EFNA5: variants seen among roughly 807,000 people sequenced by gnomAD.
EFNA5 encodes the protein ephrin A5.
EFNA5 carries 5 observed loss-of-function variants against 22.9 expected under a neutral mutation model. That is an observed-to-expected ratio of 0.22 (90% confidence interval 0.11 to 0.46). The LOEUF (loss-of-function observed/expected upper bound fraction) is 0.46. Among genes scored for constraint, EFNA5 ranks in the 20% least tolerant of loss-of-function variants. EFNA5 has a pLI of 0.99. For synonymous variants in EFNA5, 113 were observed against 112.2 expected (o/e 1.01, Z -0.04); for missense variants, 237 against 293.3 (o/e 0.81, Z 1.40).
intron 1 of EFNA5, among the ~76,000 whole-genome samples, chr5:107,549,879 C>T (rs1273171980): frequency 6.6e-6 from 1 of 152,214 alleles, no homozygotes; most frequent in Non-Finnish European, 1.5e-5. Context: ...CATGGGGTTG[C>T]CTGACCCATG....
intron 1 of EFNA5, among the ~76,000 whole-genome samples, chr5:107,560,210 A>AT (rs1161533721): frequency 1.3e-5 from 2 of 152,364 alleles, no homozygotes; most frequent in Admixed American, 6.5e-5. Context: ...ATTTTACATA[A>AT]TGCTTATCAG....
At chr5:107,387,966 C>T (rs1747679833) in intron 2 of EFNA5, among the ~76,000 whole-genome samples, 195 bp from the exon 3 acceptor site, 2 of 152,156 alleles carry the variant, frequency 1.3e-5, no homozygotes, top group Non-Finnish European at 1.5e-5. Flanking sequence ...ACTTTCATAT[C>T]CTGAGTTTCT....
intron 1 of EFNA5, among the ~76,000 whole-genome samples, chr5:107,570,379 A>C (rs1748775669): frequency 6.6e-6 from 1 of 152,192 alleles, no homozygotes; most frequent in African/African-American, 2.4e-5. Context: ...TGCCTTTATC[A>C]AGGGAACATG....
At chr5:107,562,913 T>C (rs1008304722) in intron 1 of EFNA5, among the ~76,000 whole-genome samples, 48 of 152,324 alleles carry the variant, frequency 3.2e-4, no homozygotes, top group African/African-American at 1.1e-3. Context: ...ATATTTATAT[T>C]GGAACAGCCA....
chr5:107,617,233 C>CAGAGAGAGAG (rs1281823984), intron 1 of EFNA5, among the ~76,000 whole-genome samples: 16 of 149,180 alleles, frequency 1.1e-4, no homozygotes, highest in African/African-American at 3.7e-4. Flanking sequence ...CACACACACA[C>CAGAGAGAGAG]ACACAGAGAG....
chr5:107,641,215 G>A (rs1438917903), intron 1 of EFNA5, among the ~76,000 whole-genome samples: 1 of 151,890 alleles, frequency 6.6e-6, no homozygotes, highest in East Asian at 1.9e-4. Context: ...AAAATTAGCT[G>A]GGCATGGTGG....
At chr5:107,416,700 A>G (rs1341778405) in intron 2 of EFNA5, among the ~76,000 whole-genome samples, 4 of 152,236 alleles carry the variant, frequency 2.6e-5, no homozygotes, top group Non-Finnish European at 5.9e-5. Flanking sequence ...TGCAGTATTC[A>G]TCATACTGCT....
At chr5:107,483,468 T>A (rs1472782329) in intron 1 of EFNA5, among the ~76,000 whole-genome samples, 2 of 152,216 alleles carry the variant, frequency 1.3e-5, no homozygotes, top group African/African-American at 4.8e-5. Flanking sequence ...GACAAGGCAC[T>A]CTTGCCTGAA....
chr5:107,573,894 T>G (rs992912891), intron 1 of EFNA5, among the ~76,000 whole-genome samples: 1 of 152,198 alleles, frequency 6.6e-6, no homozygotes, highest in African/African-American at 2.4e-5. Context: ...TGGCCCTGTG[T>G]CCACAAGAGG....
chr5:107,420,445 C>T (rs1460648129), intron 2 of EFNA5, among the ~76,000 whole-genome samples: 1 of 150,786 alleles, frequency 6.6e-6, no homozygotes, highest in Non-Finnish European at 1.5e-5. Context: ...AAGCACATTG[C>T]CCAAGTTCCC....
chr5:107,485,547 G>T (rs558651438), intron 1 of EFNA5, among the ~76,000 whole-genome samples: 1 of 152,278 alleles, frequency 6.6e-6, no homozygotes, highest in East Asian at 1.9e-4. Context: ...AGAGTGAATT[G>T]ATCTGTTAGC....
chr5:107,427,311 T>C lies in EFNA5; in HGVS notation c.324A>G (p.Pro108=). The change falls in exon 2 of 5, where the codon CCA becomes CCG. Residue 108 remains proline (P), a synonymous_variant. Coordinates refer to ENST00000333274, the MANE Select transcript of EFNA5 (RefSeq NM_001962.3). ...TTTCAGAGAACTTCAGCGGTCCATTTGGAGAGTGAGGCCGGTTACATTCCC... is the reference window on the plus strand; with the variant it reads ...TTTCAGAGAACTTCAGCGGTCCATTCGGAGAGTGAGGCCGGTTACATTCCC... The part of the protein sequence containing the change: ...KRWECNRPHS[P]NGPLKFSEKF... The C allele has an allele frequency of 6.2e-7, 1 of 1,614,126 alleles. No homozygotes were observed. Among genetic ancestry groups the C allele is most frequent in the Non-Finnish European group, 8.5e-7 (1 of 1,180,012 alleles).
At chr5:107,555,765 G>A (rs1748397479) in intron 1 of EFNA5, among the ~76,000 whole-genome samples, 1 of 152,156 alleles carries the variant, frequency 6.6e-6, no homozygotes, top group South Asian at 2.1e-4. Flanking sequence ...TCTTTATTAA[G>A]TAGCAACTTG....
chr5:107,389,960 AG>A (rs1747738321), intron 2 of EFNA5, among the ~76,000 whole-genome samples: 2 of 152,218 alleles, frequency 1.3e-5, no homozygotes, highest in African/African-American at 4.8e-5. Context: ...TCTAATCCTT[AG>A]AAAAATTTGT....
intron 1 of EFNA5, among the ~76,000 whole-genome samples, chr5:107,475,044 T>A (rs1023269962): frequency 1.3e-5 from 2 of 152,226 alleles, no homozygotes; most frequent in African/African-American, 4.8e-5. Context: ...ACTTCTGAGC[T>A]AAGATGTTTA....
At chr5:107,648,701 T>G (rs1056864307) in intron 1 of EFNA5, among the ~76,000 whole-genome samples, 1 of 152,174 alleles carries the variant, frequency 6.6e-6, no homozygotes, top group Non-Finnish European at 1.5e-5. Flanking sequence ...TAGTTGAATA[T>G]ATGTCACACA....
intron 1 of EFNA5, among the ~76,000 whole-genome samples, chr5:107,490,464 A>G (rs1387847588): frequency 6.6e-6 from 1 of 152,098 alleles, no homozygotes; most frequent in Non-Finnish European, 1.5e-5. Flanking sequence ...ATTGCGTGAC[A>G]TTTTCCAAAA....
chr5:107,447,062 G>C (rs1749417576), intron 1 of EFNA5, among the ~76,000 whole-genome samples: 1 of 152,160 alleles, frequency 6.6e-6, no homozygotes, highest in Admixed American at 6.5e-5. Flanking sequence ...TCATCTCTCT[G>C]ACCCATTAAT....
At chr5:107,473,218 T>C (rs1439770659) in intron 1 of EFNA5, among the ~76,000 whole-genome samples, 2 of 151,962 alleles carry the variant, frequency 1.3e-5, no homozygotes, top group Non-Finnish European at 1.5e-5. Context: ...GACCCAAATC[T>C]TGACTCTAAA....
Sources: gnomAD v4.1 joint callset for allele counts (sites outside exome capture counted in the v4.1 genomes callset) on GRCh38, gnomAD v4.1.1 for gene constraint, MANE v1.5 for transcripts, NCBI Gene and HGNC (gene_info 2026-07-23, HGNC 2026-07-21) for gene names.